TNFAIP8: variants seen among roughly 807,000 people sequenced by gnomAD.
The protein encoded by TNFAIP8 is TNF alpha induced protein 8.
TNFAIP8 carries 7 observed loss-of-function variants against 13.3 expected under a neutral mutation model. The observed-to-expected ratio is 0.52, with a 90% CI of 0.30 to 0.99. The LOEUF is 0.99. Among genes scored for constraint, TNFAIP8 ranks in the 50% least tolerant of loss-of-function variants. The pLI, the probability that TNFAIP8 is intolerant of heterozygous loss-of-function variation, is 0.07. For synonymous variants in TNFAIP8, 94 were observed against 87.6 expected (o/e 1.07, Z -0.41); for missense variants, 258 against 236.9 (o/e 1.09, Z -0.58).
upstream of TNFAIP8, chr5:119,354,343 A>G (rs551034990): frequency 4.6e-5 from 7 of 152,302 alleles, no homozygotes; most frequent in South Asian, 4.1e-4. Flanking sequence ...CTGGCTGGCT[A>G]TATCTTCCTC....
intron 1 of TNFAIP8, among the ~76,000 whole-genome samples, chr5:119,363,842 A>G (rs35109842): frequency 0.018 from 2,672 of 152,352 alleles, 44 homozygotes; most frequent in Non-Finnish European, 0.026. Flanking sequence ...AAGGCCAGGC[A>G]TCCCATACTT....
At chr5:119,332,826 ATGTATG>A (rs1327854820) in intron 1 of TNFAIP8, among the ~76,000 whole-genome samples, 3 of 152,328 alleles carry the variant, frequency 2.0e-5, no homozygotes, top group Non-Finnish European at 4.4e-5. Context: ...GTATAAATGC[ATGTATG>A]TGTATGTGTA....
intron 1 of TNFAIP8, among the ~76,000 whole-genome samples, chr5:119,321,078 G>A (rs558487207): frequency 4.6e-5 from 7 of 152,276 alleles, no homozygotes; most frequent in African/African-American, 4.8e-5. Context: ...CTAGGCGGGC[G>A]TGGTGGCCGG....
intron 1 of TNFAIP8, among the ~76,000 whole-genome samples, chr5:119,287,607 C>G (rs552634967): frequency 4.1e-4 from 63 of 152,288 alleles, no homozygotes; most frequent in African/African-American, 1.4e-3. Flanking sequence ...TCCCCACCCT[C>G]CAAACCCAGC....
At chr5:119,287,473 T>G (rs963602822) in intron 1 of TNFAIP8, among the ~76,000 whole-genome samples, 11 of 152,098 alleles carry the variant, frequency 7.2e-5, no homozygotes, top group Non-Finnish European at 1.3e-4. Context: ...ACACTTAAAA[T>G]CTGCTCTATT....
chr5:119,314,959 G>A (rs1026518471), intron 1 of TNFAIP8, among the ~76,000 whole-genome samples: 5 of 151,854 alleles, frequency 3.3e-5, no homozygotes, highest in Non-Finnish European at 5.9e-5. Flanking sequence ...TCGGCTTACT[G>A]CAGCCTCCAC....
At chr5:119,324,352 C>T (rs938847951) in intron 1 of TNFAIP8, among the ~76,000 whole-genome samples, 3 of 143,678 alleles carry the variant, frequency 2.1e-5, no homozygotes, top group African/African-American at 2.5e-5. Context: ...ACTTCCCCCT[C>T]GGGGCTGGGA....
At chr5:119,321,162 A>G (rs972646934) in intron 1 of TNFAIP8, among the ~76,000 whole-genome samples, 2 of 152,176 alleles carry the variant, frequency 1.3e-5, no homozygotes, top group African/African-American at 2.4e-5. Context: ...GCTTGCAGTG[A>G]GCCGAGATCG....
intron 1 of TNFAIP8, among the ~76,000 whole-genome samples, chr5:119,305,886 C>T (rs996355407): frequency 6.6e-6 from 1 of 152,174 alleles, no homozygotes; most frequent in Non-Finnish European, 1.5e-5. Flanking sequence ...GCCCTAAAAT[C>T]TCCATCCTCT....
At chr5:119,294,879 G>C (rs1276253492) in intron 1 of TNFAIP8, among the ~76,000 whole-genome samples, 2 of 151,700 alleles carry the variant, frequency 1.3e-5, no homozygotes, top group East Asian at 2.0e-4. Context: ...CCCACTTTTT[G>C]ATGGGGTTGA....
intron 1 of TNFAIP8, among the ~76,000 whole-genome samples, chr5:119,278,330 C>T (rs946010811): frequency 7.0e-6 from 1 of 142,198 alleles, no homozygotes; most frequent in African/African-American, 2.6e-5. Context: ...TTCCTGCCAA[C>T]CTCTTTTTAA....
chr5:119,322,943 TTC>T (rs1750108899), intron 1 of TNFAIP8, among the ~76,000 whole-genome samples: 1 of 152,232 alleles, frequency 6.6e-6, no homozygotes, highest in Non-Finnish European at 1.5e-5. Flanking sequence ...TGAACTTGCC[TTC>T]TCTTTCACTT....
chr5:119,386,161 A>C (rs1298079651), intron 1 of TNFAIP8, among the ~76,000 whole-genome samples: 2 of 152,260 alleles, frequency 1.3e-5, no homozygotes, highest in African/African-American at 4.8e-5. Flanking sequence ...GGTGGAAAAC[A>C]TTCTAATATG....
chr5:119,355,407 C>T (rs368765675), upstream of TNFAIP8: 9 of 700,780 alleles, frequency 1.3e-5, no homozygotes, highest in East Asian at 2.7e-5. Flanking sequence ...GGGTGGAGGC[C>T]GCTCCACTTT....
intron 1 of TNFAIP8, chr5:119,333,059 C>CT: frequency 3.3e-6 from 1 of 300,200 alleles, no homozygotes; most frequent in Non-Finnish European, 4.8e-6. Context: ...TTTTTATTTT[C>CT]TTTTTTTCAG....
chr5:119,312,416 C>T (rs1190057811), intron 1 of TNFAIP8, among the ~76,000 whole-genome samples: 1 of 152,054 alleles, frequency 6.6e-6, no homozygotes, highest in Non-Finnish European at 1.5e-5. Context: ...GTGGTAAGTG[C>T]TCACCATATT....
chr5:119,334,421 A>G (rs1329272735), intron 1 of TNFAIP8, among the ~76,000 whole-genome samples: 1 of 152,078 alleles, frequency 6.6e-6, no homozygotes, highest in Non-Finnish European at 1.5e-5. Context: ...TAAATTTAAT[A>G]CTAGGGAAAA....
chr5:119,356,038 C>G lies in TNFAIP8; in HGVS notation c.-53C>G. 1 of 1,545,378 alleles carries G rather than the reference C, an allele frequency of 6.5e-7. No homozygotes were observed. The highest frequency in any genetic ancestry group is 1.4e-5 in the African/African-American group (1 of 72,738). On this transcript the variant is annotated 5_prime_UTR_variant, in exon 1 of 2. Coordinates refer to ENST00000504771, the MANE Select transcript of TNFAIP8 (RefSeq NM_014350.4). Reference sequence around the variant, plus strand: ...TTCGCTGCAGAGCGAACTTGCGGCTCGTCCGAGTACATGTGAGCGGTAATC... The same window carrying G: ...TTCGCTGCAGAGCGAACTTGCGGCTGGTCCGAGTACATGTGAGCGGTAATC...
intron 1 of TNFAIP8, among the ~76,000 whole-genome samples, chr5:119,285,012 C>A (rs1208772801): frequency 6.6e-6 from 1 of 151,492 alleles, no homozygotes. Flanking sequence ...TTGTCAGAAT[C>A]TTTTTTTTTC....
Sources: allele counts gnomAD v4.1 joint callset (sites outside exome capture counted in the v4.1 genomes callset), GRCh38; gene constraint gnomAD v4.1.1; transcripts MANE v1.5; gene names NCBI Gene and HGNC (gene_info 2026-07-23, HGNC 2026-07-21).